ATAD5: variants seen among roughly 807,000 people sequenced by gnomAD.
ATAD5 encodes ATPase family AAA domain containing 5.
In ATAD5, 58 loss-of-function variants were observed where a neutral mutation model predicts 176.9. The ratio of observed to expected loss-of-function variants is 0.33; its 90% confidence interval spans 0.27 to 0.41. The LOEUF is 0.41. Ranked by LOEUF, ATAD5 falls within the 10% of genes least tolerant of loss-of-function variation. The pLI is 1.00. For synonymous variants in ATAD5, 640 were observed against 712.6 expected, an observed-to-expected ratio of 0.90 and a Z score of 1.62; for missense variants, 1,789 against 2,094.1, an observed-to-expected ratio of 0.85 and a Z score of 2.84.
chr17:30,880,936 A>G (rs1908974718), intron 18 of ATAD5, among the ~76,000 whole-genome samples: 1 of 152,198 alleles, frequency 6.6e-6, no homozygotes, highest in South Asian at 2.1e-4. Context: ...ATTACCTCCT[A>G]AAGTTCTCAT....
At chr17:30,845,931 C>T (rs578006039) in intron 6 of ATAD5, among the ~76,000 whole-genome samples, 2 of 152,240 alleles carry the variant, frequency 1.3e-5, no homozygotes, top group African/African-American at 2.4e-5. Context: ...CTAGTTTATG[C>T]GCCTGGGTGG....
In ATAD5 at chr17:30,837,233, C is replaced by A; in HGVS notation, c.1995C>A (p.Pro665=). Residue 665 remains proline (P), a synonymous_variant, in exon 3 of 23, where the codon CCC becomes CCA. Transcript: ENST00000321990. ...IRMKFTRIST[P]KKSKKKSNKR... ...TGAAATTCACCAGAATTAGTACTCC[C>A]AAAAAATCTAAGAAAAAATCTAACA... 1 of 1,566,328 alleles carries A rather than the reference C, an allele frequency of 6.4e-7. No individual in the cohort carries two copies. Among genetic ancestry groups the A allele is most frequent in the South Asian group, 1.2e-5 (1 of 82,154 alleles).
At chr17:30,860,910 ATT>A (rs535146170) in intron 10 of ATAD5, among the ~76,000 whole-genome samples, 23 of 143,252 alleles carry the variant, frequency 1.6e-4, no homozygotes, top group South Asian at 2.2e-4. Flanking sequence ...CGCCCAGATA[ATT>A]TTTTTTTTTT....
At chr17:30,877,782 T>TC (rs1908758780) in intron 16 of ATAD5, among the ~76,000 whole-genome samples, 1 of 152,212 alleles carries the variant, frequency 6.6e-6, no homozygotes, top group South Asian at 2.1e-4. Flanking sequence ...ATTATTCTGA[T>TC]CCATATCTGT....
intron 14 of ATAD5, among the ~76,000 whole-genome samples, chr17:30,874,595 A>G (rs1038775754): frequency 7.1e-5 from 10 of 141,010 alleles, no homozygotes; most frequent in African/African-American, 2.5e-4. Flanking sequence ...TTATAAATTG[A>G]TATCTGTTCA....
At chr17:30,846,867 T>C (rs182583098) in intron 6 of ATAD5, among the ~76,000 whole-genome samples, 1 of 151,380 alleles carries the variant, frequency 6.6e-6, no homozygotes, top group Non-Finnish European at 1.5e-5. Context: ...ATTACAGGCA[T>C]GTGCCACCAC....
chr17:30,864,903 AC>A (rs1907879273), intron 10 of ATAD5: 1 of 148,552 alleles, frequency 6.7e-6, no homozygotes. Context: ...ATTTTTGGGC[AC>A]TTAGGTTGAT....
At chr17:30,871,414 C>G (rs1432582146) in intron 14 of ATAD5, among the ~76,000 whole-genome samples, 6 of 151,426 alleles carry the variant, frequency 4.0e-5, no homozygotes. Flanking sequence ...GTGGCACAAT[C>G]TTGGCTCGCT....
chr17:30,835,950 A>G lies in ATAD5; in HGVS notation c.1869A>G (p.Leu623=). The change falls in exon 2 of 23, where the codon CTA becomes CTG. Residue 623 remains leucine (L), a synonymous_variant. Coordinates refer to ENST00000321990, the MANE Select transcript of ATAD5 (RefSeq NM_024857.5). ...ACGATGTACAAGATAATAGTCAACT[A>G]AAGGCTTCCACTCAAAAAGCAGCCA... ...DSDDVQDNSQ[L]KASTQKAANL... 1 of 1,614,138 alleles carries G rather than the reference A, an allele frequency of 6.2e-7. No individual in the cohort carries two copies. Among genetic ancestry groups the G allele is most frequent in the East Asian group, 2.2e-5 (1 of 44,866 alleles).
At chr17:30,842,645 C>T (rs931676486) in intron 4 of ATAD5, among the ~76,000 whole-genome samples, 2 of 152,148 alleles carry the variant, frequency 1.3e-5, no homozygotes, top group African/African-American at 4.8e-5. Flanking sequence ...AGGGCTATAA[C>T]CAGACTTTTT....
chr17:30,849,625 A>G (rs1258183395), intron 6 of ATAD5, among the ~76,000 whole-genome samples: 4 of 151,928 alleles, frequency 2.6e-5, no homozygotes, highest in Non-Finnish European at 5.9e-5. Context: ...CCCTTTTCTT[A>G]CTGACTTGTC....
intron 11 of ATAD5, among the ~76,000 whole-genome samples, chr17:30,866,567 C>T (rs1049066898): frequency 6.6e-6 from 1 of 151,482 alleles, no homozygotes; most frequent in Non-Finnish European, 1.5e-5. Flanking sequence ...GTAATCCCAG[C>T]ACTTTGGGAA....
intron 9 of ATAD5, among the ~76,000 whole-genome samples, chr17:30,859,338 A>G (rs1454560554): frequency 6.6e-6 from 1 of 152,078 alleles, no homozygotes; most frequent in African/African-American, 2.4e-5. Context: ...GTTATATTTG[A>G]TTCTTGCCTT....
intron 6 of ATAD5, among the ~76,000 whole-genome samples, chr17:30,845,229 A>G (rs938021615): frequency 1.3e-5 from 2 of 152,206 alleles, no homozygotes; most frequent in African/African-American, 4.8e-5. Flanking sequence ...TATCAGAGAT[A>G]TTATGGGGAT....
intron 6 of ATAD5, 98 bp from the exon 7 acceptor site, chr17:30,855,045 C>A: frequency 8.8e-7 from 1 of 1,135,050 alleles, no homozygotes; most frequent in Non-Finnish European, 1.2e-6. Flanking sequence ...AGGCATGAGC[C>A]ACCATGCCCA....
intron 18 of ATAD5, among the ~76,000 whole-genome samples, chr17:30,884,056 G>A (rs941412269): frequency 6.6e-6 from 1 of 151,980 alleles, no homozygotes; most frequent in African/African-American, 2.4e-5. Context: ...GAAACTCCCT[G>A]TTTCCTCCTG....
intron 19 of ATAD5, 31 bp downstream of exon 19, chr17:30,887,403 A>G: frequency 6.4e-7 from 1 of 1,551,272 alleles, no homozygotes; most frequent in African/African-American, 1.4e-5. Context: ...AGAAATTTCT[A>G]TTATGGGACC....
intron 14 of ATAD5, among the ~76,000 whole-genome samples, chr17:30,872,360 C>T (rs533919741): frequency 1.2e-4 from 19 of 152,184 alleles, no homozygotes; most frequent in Non-Finnish European, 1.8e-4. Flanking sequence ...GATGGGAAGA[C>T]GAATCATTCA....
chr17:30,855,183 T>C lies in ATAD5; in HGVS notation c.2491T>C (p.Cys831Arg), dbSNP rs554208506. The change falls in exon 7 of 23, where the codon TGT (cysteine) becomes CGT (arginine). Residue 831 changes from cysteine to arginine, a missense_variant. Cys to Arg is a radical substitution (Grantham distance 180). This residue lies in a region of ATAD5 where 487 missense variants were observed against 573.6 expected (regional missense o/e 0.85). Coordinates refer to ENST00000321990, the MANE Select transcript of ATAD5 (RefSeq NM_024857.5). The stretch of plus-strand genomic sequence containing the variant: ...AAAATCTCAGGATTGTGATGTTCAA[T>C]GTAAAGCAAAGCGTGACTTCCTAAT... Reference protein sequence around the residue: ...SEKSQDCDVQCKAKRDFLMSG... With the variant: ...SEKSQDCDVQRKAKRDFLMSG... 1.6e-5 allele frequency: 26 copies of C among 1,612,116 alleles called. No individual in the cohort carries two copies. The South Asian group carries it at 2.5e-4, about 16-fold the overall frequency.
Sources: gnomAD v4.1 joint callset for allele counts (sites outside exome capture counted in the v4.1 genomes callset) on GRCh38, gnomAD v4.1.1 for gene constraint, gnomAD v4.1.1 regional missense constraint, MANE v1.5 for transcripts, NCBI Gene and HGNC (gene_info 2026-07-23, HGNC 2026-07-21) for gene names.